EBF1: variants seen among roughly 807,000 people sequenced by gnomAD.
EBF1 encodes EBF transcription factor 1, also known as transcription factor COE1.
EBF1 carries 10 observed loss-of-function variants against 68.4 expected under a neutral mutation model. The ratio of observed to expected loss-of-function variants is 0.15; its 90% CI spans 0.09 to 0.25. The LOEUF is 0.25. Ranked by LOEUF, EBF1 falls within the 10% of genes least tolerant of loss-of-function variation. The probability of loss-of-function intolerance (pLI) is 1.00; values close to 1 mark genes in which losing one functional copy is unlikely to be tolerated. For missense variants in EBF1, 509 were observed against 794.4 expected, an observed-to-expected ratio of 0.64 and a Z score of 4.32; for synonymous variants, 298 against 299.8, an observed-to-expected ratio of 0.99 and a Z score of 0.06.
chr5:159,099,075 A>G (rs1395845889), intron 1 of EBF1, among the ~76,000 whole-genome samples: 2 of 152,232 alleles, frequency 1.3e-5, no homozygotes, highest in Non-Finnish European at 2.9e-5. Context: ...CTTCTGGGTT[A>G]AAACAAAATG....
chr5:158,731,031 C>T (rs199832129), intron 11 of EBF1, 38 bp downstream of exon 11: 850 of 1,591,256 alleles, frequency 5.3e-4, no homozygotes, highest in Non-Finnish European at 6.8e-4. Context: ...TCGCTCAAGT[C>T]CAAATTTTCA....
At chr5:158,771,963 C>A (rs963592802) in intron 10 of EBF1, among the ~76,000 whole-genome samples, 2 of 152,090 alleles carry the variant, frequency 1.3e-5, no homozygotes, top group African/African-American at 4.8e-5. Flanking sequence ...TGAACTGGAT[C>A]CTTCAGGTGA....
At position 159,096,658 on chromosome 5, in the gene EBF1, G is replaced by T. The variant is rs530480600; in HGVS notation, c.292-252C>A. The T allele has an allele frequency of 6.6e-6, 4 of 606,662 alleles. No individual in the cohort carries two copies. The South Asian group carries it at 8.0e-5, about 12-fold the overall frequency. 37.6% of individuals were successfully genotyped at this position (606,662 alleles called of 1,614,324 possible). A position where few individuals can be genotyped will look rare whatever the true frequency, so the allele number is the denominator to read the frequency against. ...TCCTCTTTCCAGGGCCTAGGGGCTC[G>T]TGCCCCGGCCACCAGAGGCAGGCGG... On this transcript the variant is annotated intron_variant, in intron 2 of 15. Coordinates refer to ENST00000313708, the MANE Select transcript of EBF1 (RefSeq NM_024007.5).
chr5:158,878,887 G>A (rs537524227), intron 6 of EBF1, among the ~76,000 whole-genome samples: 12 of 152,080 alleles, frequency 7.9e-5, no homozygotes, highest in African/African-American at 2.9e-4. Flanking sequence ...CAAGTGTTCC[G>A]CCTGCCTTAG....
intron 6 of EBF1, among the ~76,000 whole-genome samples, chr5:158,962,469 T>C (rs34825578): frequency 0.38 from 57,359 of 151,970 alleles, 11,966 homozygotes; most frequent in Non-Finnish European, 0.47. Context: ...AGTTGCCAGT[T>C]TGCAACTTTG....
At chr5:159,080,559 T>A (rs1366148523) in intron 5 of EBF1, among the ~76,000 whole-genome samples, 1 of 152,228 alleles carries the variant, frequency 6.6e-6, no homozygotes, top group Non-Finnish European at 1.5e-5. Context: ...AGTTCTTTTA[T>A]CCTCATTCAC....
At chr5:159,086,792 AAT>A (rs1780713567) in intron 4 of EBF1, among the ~76,000 whole-genome samples, 4 of 152,154 alleles carry the variant, frequency 2.6e-5, no homozygotes, top group Non-Finnish European at 4.4e-5. Context: ...CTGTAGACGT[AAT>A]CCAGATTGTG....
At chr5:158,726,334 T>TA (rs1762981291) in intron 11 of EBF1, among the ~76,000 whole-genome samples, 1 of 152,218 alleles carries the variant, frequency 6.6e-6, no homozygotes, top group African/African-American at 2.4e-5. Context: ...AAGATGAATA[T>TA]AAATGCATTA....
intron 5 of EBF1, among the ~76,000 whole-genome samples, chr5:159,076,894 A>T (rs897294787): frequency 3.9e-5 from 6 of 152,240 alleles, no homozygotes; most frequent in African/African-American, 1.4e-4. Flanking sequence ...GTGTATATGG[A>T]ATTCTGTGCA....
chr5:158,937,866 T>C (rs1462234556), intron 6 of EBF1, among the ~76,000 whole-genome samples: 2 of 152,166 alleles, frequency 1.3e-5, no homozygotes, highest in South Asian at 2.1e-4. Flanking sequence ...GCCTGAAGCA[T>C]TGTCCCCCAC....
chr5:158,990,576 A>G (rs1760114785), intron 6 of EBF1, among the ~76,000 whole-genome samples: 1 of 152,190 alleles, frequency 6.6e-6, no homozygotes, highest in Admixed American at 6.5e-5. Flanking sequence ...TTTGAAAACT[A>G]ATGTGATTCC....
At chr5:159,007,136 C>T (rs1763725930) in intron 6 of EBF1, among the ~76,000 whole-genome samples, 1 of 151,956 alleles carries the variant, frequency 6.6e-6, no homozygotes, top group Non-Finnish European at 1.5e-5. Flanking sequence ...AATCCCAGAA[C>T]CCAGGCAATT....
intron 9 of EBF1, 152 bp from the exon 10 acceptor site, chr5:158,777,691 GACA>G: frequency 2.6e-6 from 2 of 757,352 alleles, no homozygotes; most frequent in Non-Finnish European, 3.9e-6. Flanking sequence ...GAAAGACACT[GACA>G]ACAATATTTA....
Position 158,712,057 on chromosome 5 carries a change from C to T in EBF1, c.1549+97G>A, listed in dbSNP as rs1159721425. On this transcript the variant is annotated intron_variant, in intron 14 of 15. Transcript: ENST00000313708. ...CCTTACAGGAGGGAAAGATGGGGGG[C>T]CTCAGACCGAGAAGCCCTGCCCACT... is the stretch of plus-strand genomic sequence containing the variant. 4.2e-6 allele frequency: 6 copies of T among 1,428,704 alleles called. No homozygotes were observed. In the African/African-American group the frequency reaches 5.6e-5, roughly 13 times the overall value. The allele number at this position is 1,428,704 out of a possible 1,614,324, so 88.5% of individuals were successfully genotyped here.
intron 10 of EBF1, among the ~76,000 whole-genome samples, chr5:158,764,472 A>G (rs1772197940): frequency 6.6e-6 from 1 of 152,146 alleles, no homozygotes; most frequent in Admixed American, 6.6e-5. Context: ...ACATTTTTTA[A>G]TGCATTGATT....
At chr5:158,904,892 T>A (rs1432718109) in intron 6 of EBF1, among the ~76,000 whole-genome samples, 1 of 152,206 alleles carries the variant, frequency 6.6e-6, no homozygotes. Flanking sequence ...TTCAATTTGT[T>A]ATTCTCCAGC....
At chr5:159,009,785 A>G (rs1764269629) in intron 6 of EBF1, among the ~76,000 whole-genome samples, 1 of 151,762 alleles carries the variant, frequency 6.6e-6, no homozygotes, top group Non-Finnish European at 1.5e-5. Context: ...AAAAAAAAAA[A>G]AGCAAAAATA....
chr5:158,966,540 A>C (rs897951955), intron 6 of EBF1, among the ~76,000 whole-genome samples: 1 of 152,220 alleles, frequency 6.6e-6, no homozygotes, highest in Non-Finnish European at 1.5e-5. Context: ...AGAAATATCA[A>C]TAAACTGGAA....
chr5:158,950,523 G>A (rs1020191323), intron 6 of EBF1, among the ~76,000 whole-genome samples: 6 of 152,168 alleles, frequency 3.9e-5, no homozygotes, highest in Non-Finnish European at 8.8e-5. Context: ...CAGAAGAGGG[G>A]CTTAATAAAA....
Sources: allele counts gnomAD v4.1 joint callset (sites outside exome capture counted in the v4.1 genomes callset), GRCh38; gene constraint gnomAD v4.1.1; transcripts MANE v1.5; gene names NCBI Gene and HGNC (gene_info 2026-07-23, HGNC 2026-07-21).